ZXDC: variants seen among roughly 807,000 people sequenced by gnomAD.
ZXDC encodes the protein zinc finger protein ZXDC.
Under a neutral mutation model 63.6 loss-of-function variants are expected in ZXDC, and 58 were observed. The observed-to-expected ratio is 0.91, with a 90% CI of 0.74 to 1.13. The LOEUF is 1.13. Ranked by LOEUF, ZXDC falls within the 50% of genes most tolerant of loss-of-function variation. The pLI is 0.00. For synonymous variants in ZXDC, 561 were observed against 496.1 expected (o/e 1.13, Z -1.74); for missense variants, 1,133 against 1,148.9 (o/e 0.99, Z 0.20).
chr3:126,438,382 A>C lies in ZXDC; in HGVS notation c.2570T>G (p.Leu857Arg). 6.2e-7 allele frequency: 1 copy of C among 1,613,004 alleles called. No homozygotes were observed. The highest frequency in any genetic ancestry group is 8.5e-7 in the Non-Finnish European group (1 of 1,179,594). Residue 857 changes from leucine (L) to arginine (R), a missense_variant, in exon 10 of 10, where the codon CTG becomes CGG. Transcript: ENST00000389709. ...FPGSTINLQD[L>R]Q The stretch of plus-strand genomic sequence containing the variant: ...CCCAGGCCGAGGCTGCCGTCACTGC[A>C]GATCCTGCAGGTTGATAGTGCTTCC...
intron 1 of ZXDC, among the ~76,000 whole-genome samples, chr3:126,473,123 C>T (rs115086338): frequency 3.3e-5 from 5 of 152,318 alleles, no homozygotes; most frequent in Non-Finnish European, 7.4e-5. Flanking sequence ...TCCCCAGCAA[C>T]ATCTAACTCA....
At chr3:126,447,687 T>G (rs761171537) in intron 7 of ZXDC, among the ~76,000 whole-genome samples, 1 of 152,274 alleles carries the variant, frequency 6.6e-6, no homozygotes, top group Non-Finnish European at 1.5e-5. Flanking sequence ...AAATCTGGGT[T>G]CCTAGTTGAT....
intron 4 of ZXDC, among the ~76,000 whole-genome samples, chr3:126,469,655 G>A (rs1220839745): frequency 6.6e-6 from 1 of 152,174 alleles, no homozygotes; most frequent in East Asian, 1.9e-4. Context: ...TCCTGGCCCT[G>A]AGAGGCTCTC....
chr3:126,461,274 G>A (rs1934521386), intron 6 of ZXDC: 1 of 1,265,692 alleles, frequency 7.9e-7, no homozygotes. Context: ...CATTACCATG[G>A]AGCCACAGGA....
chr3:126,450,715 C>A, intron 7 of ZXDC: 1 of 353,202 alleles, frequency 2.8e-6, no homozygotes, highest in Non-Finnish European at 5.6e-6. Flanking sequence ...AAACTTGGAC[C>A]AGGTGTGCAA....
chr3:126,456,799 T>A (rs1401829513), intron 7 of ZXDC, among the ~76,000 whole-genome samples: 4 of 152,190 alleles, frequency 2.6e-5, no homozygotes, highest in African/African-American at 9.7e-5. Flanking sequence ...TCTCAAAGCA[T>A]CTACTGCAAG....
rs1214195394 is a variant in ZXDC, at chr3:126,440,209, C to A, written c.2395-482G>T. On this transcript the variant is annotated intron_variant, in intron 8 of 9. Coordinates refer to ENST00000389709, the MANE Select transcript of ZXDC (RefSeq NM_025112.5). ...GCTCCTGAGAGGGGAGGCTGCCAGG[C>A]CCCTCACAGTCCAGGCTAGAAACTT... 3 of 998,432 alleles carry A rather than the reference C, an allele frequency of 3.0e-6. No homozygotes were observed. In the African/African-American group the frequency reaches 5.2e-5, roughly 17 times the overall value. 61.8% of individuals were successfully genotyped at this position (998,432 alleles called of 1,614,324 possible).
intron 7 of ZXDC, among the ~76,000 whole-genome samples, chr3:126,457,933 G>T (rs886847787): frequency 1.3e-5 from 2 of 152,198 alleles, no homozygotes; most frequent in African/African-American, 4.8e-5. Flanking sequence ...TATTAAAACA[G>T]TGATGTGATC....
rs374053807 is a variant in ZXDC at position 126,462,142 on chromosome 3, G to A, written c.1520C>T (p.Thr507Ile). 3.7e-5 allele frequency: 60 copies of A among 1,613,310 alleles called. No individual in the cohort carries two copies. In the Admixed American group the frequency reaches 7.2e-4, roughly 19 times the overall value. ...GAAGAGTGCAGCAAGATCCATGTTA[G>A]TGAGCTCACTTTGGCCTGGGCTGCT... is the stretch of plus-strand genomic sequence containing the variant. ...ELSSPGQSEL[T>I]NMDLAALFSD... Residue 507 changes from threonine (T) to isoleucine (I), a missense_variant, in exon 6 of 10, where the codon ACT (threonine) becomes ATT (isoleucine). Coordinates refer to ENST00000389709, the MANE Select transcript of ZXDC (RefSeq NM_025112.5).
rs888907146 is a variant in ZXDC, at chr3:126,440,989, A to G, written c.2394+776T>C. On this transcript the variant is annotated intron_variant, in intron 8 of 9. Transcript: ENST00000389709. ...GGCCTGCAACCGCATCCCCTGCCAC[A>G]GGGAATCTACAAAGTGGAGTGGTGA... 3.0e-5 allele frequency: 30 copies of G among 985,608 alleles called. No homozygotes were observed. In the African/African-American group the frequency reaches 4.9e-4, roughly 16 times the overall value. 61.1% of individuals were successfully genotyped at this position (985,608 alleles called of 1,614,324 possible). A position where few individuals can be genotyped will look rare whatever the true frequency, so the allele number is the denominator to read the frequency against.
intron 7 of ZXDC, among the ~76,000 whole-genome samples, chr3:126,457,841 C>T (rs935430986): frequency 6.6e-6 from 1 of 152,172 alleles, no homozygotes; most frequent in African/African-American, 2.4e-5. Context: ...CTCCCACCTG[C>T]AGCGGAGTTT....
chr3:126,474,842 G>A (rs1334282549), intron 1 of ZXDC, 117 bp downstream of exon 1: 14 of 1,226,710 alleles, frequency 1.1e-5, no homozygotes, highest in African/African-American at 1.5e-5. Flanking sequence ...TACAAATCCC[G>A]AAGAGCCTGC....
In ZXDC at chr3:126,475,742, G is replaced by A. The variant is rs1174230416; in HGVS notation, c.124C>T (p.Leu42=). The A allele has an allele frequency of 1.7e-6, 2 of 1,175,316 alleles. No homozygotes were observed. The highest frequency in any genetic ancestry group is 2.1e-6 in the Non-Finnish European group (2 of 953,514). The allele number at this position is 1,175,316 out of a possible 1,614,324, so 72.8% of individuals were successfully genotyped here. The change falls in exon 1 of 10, where the codon CTG becomes TTG. Residue 42 remains leucine, a synonymous_variant. Coordinates refer to ENST00000389709, the MANE Select transcript of ZXDC (RefSeq NM_025112.5). ...GASPARRRLL[L]VRGPEDGGPG... ...CCGCCATCTTCAGGGCCCCGCACCA[G>A]TAGCAGGCGGCGGCGCGCGGGGCTC...
Position 126,460,860 on chromosome 3 carries a change from A to T in ZXDC, c.2127+675T>A, listed in dbSNP as rs199980903. On this transcript the variant is annotated intron_variant, in intron 6 of 9. Coordinates refer to ENST00000389709, the MANE Select transcript of ZXDC (RefSeq NM_025112.5). ...AATAAGATGTAACATTCTCAACAAT[A>T]TAAATGTCACCATCAAATTTAGCCT... 2.6e-5 allele frequency: 26 copies of T among 985,446 alleles called. No individual in the cohort carries two copies. The East Asian group carries it at 2.7e-3, about 103-fold the overall frequency. 61.0% of individuals were successfully genotyped at this position (985,446 alleles called of 1,614,324 possible). A position where few individuals can be genotyped will look rare whatever the true frequency, so the allele number is the denominator to read the frequency against.
At chr3:126,457,179 G>A (rs894340228) in intron 7 of ZXDC, 1 of 804,416 alleles carries the variant, frequency 1.2e-6, no homozygotes, top group Non-Finnish European at 1.5e-6. Context: ...CATCAAGTCT[G>A]CCATTCAGCT....
intron 4 of ZXDC, among the ~76,000 whole-genome samples, chr3:126,469,202 A>T (rs1241062338): frequency 6.6e-6 from 1 of 152,078 alleles, no homozygotes; most frequent in African/African-American, 2.4e-5. Context: ...TTGATCAACT[A>T]CACTACCCTG....
At position 126,475,799 on chromosome 3, in the gene ZXDC, G is replaced by A; in HGVS notation, c.67C>T (p.Pro23Ser). 1 of 1,091,872 alleles carries A rather than the reference G, an allele frequency of 9.2e-7. No homozygotes were observed. The highest frequency in any genetic ancestry group is 1.1e-6 in the Non-Finnish European group (1 of 899,860). The allele number at this position is 1,091,872 out of a possible 1,614,324, so 67.6% of individuals were successfully genotyped here. Residue 23 changes from proline (P) to serine (S), a missense_variant, in exon 1 of 10, where the codon CCG becomes TCG. By Grantham distance (74) the Pro-to-Ser change is moderately conservative. Coordinates refer to ENST00000389709, the MANE Select transcript of ZXDC (RefSeq NM_025112.5). The part of the protein sequence containing the change: ...RGGQHGGGPG[P>S]LRRAPAPLGA... ...AGCGGCGCTGGGGCTCGGCGGAGCG[G>A]GCCGGGGCCGCCGCCATGTTGCCCT...
At chr3:126,464,781 G>C (rs979914445) in intron 5 of ZXDC, among the ~76,000 whole-genome samples, 1 of 152,166 alleles carries the variant, frequency 6.6e-6, no homozygotes, top group Non-Finnish European at 1.5e-5. Flanking sequence ...GTGGGCCTCT[G>C]TGAGCAAAGG....
intron 6 of ZXDC, 52 bp from the exon 7 acceptor site, chr3:126,459,789 T>G (rs1197999981): frequency 6.2e-7 from 1 of 1,613,594 alleles, no homozygotes; most frequent in South Asian, 1.1e-5. Context: ...AAAGGAAGGG[T>G]AGCAAGGGAG....
Sources: gnomAD v4.1 joint callset for allele counts (sites outside exome capture counted in the v4.1 genomes callset) on GRCh38, gnomAD v4.1.1 for gene constraint, MANE v1.5 for transcripts, NCBI Gene and HGNC (gene_info 2026-07-23, HGNC 2026-07-21) for gene names.